The following SLC25A13 variants were observed in gnomAD, a reference collection of about 807,000 sequenced individuals.
SLC25A13 encodes solute carrier family 25 member 13.
In SLC25A13, 70 loss-of-function variants were observed where a neutral mutation model predicts 85.5. The ratio of observed to expected loss-of-function variants is 0.82; its 90% CI spans 0.68 to 1.00. The LOEUF is 1.00. Among genes scored for constraint, SLC25A13 ranks in the 50% least tolerant of loss-of-function variants. The pLI is 0.00. For missense variants in SLC25A13, 765 were observed against 819.8 expected, an observed-to-expected ratio of 0.93 and a Z score of 0.82; for synonymous variants, 259 against 288.7, an observed-to-expected ratio of 0.90 and a Z score of 1.04.
At position 96,121,944 on chromosome 7, in the gene SLC25A13, G is replaced by A. The variant is rs1364726997; in HGVS notation, c.1645C>T (p.Gln549Ter). ...GTTTGGCCAGCCCGGGCAGCCACCT[G>A]TAATCTCGTCTTGATAACATCAGCA... ...TPADVIKTRLQVAARAGQTTY... is the reference protein window; with the variant it reads ...TPADVIKTRL The change falls in exon 16 of 18, where the codon CAG becomes TAG. Residue 549 changes from glutamine (Q) to a stop codon, truncating the protein, a stop_gained. Coordinates refer to ENST00000265631, the MANE Select transcript of SLC25A13 (RefSeq NM_014251.3). LOFTEE classifies it high-confidence loss of function. 4 of 1,614,160 alleles carry A rather than the reference G, an allele frequency of 2.5e-6. No individual in the cohort carries two copies. The highest frequency in any genetic ancestry group is 4.5e-5 in the East Asian group (2 of 44,874).
At chr7:96,258,538 C>A (rs1288035497) in intron 3 of SLC25A13, among the ~76,000 whole-genome samples, 2 of 152,162 alleles carry the variant, frequency 1.3e-5, no homozygotes, top group African/African-American at 4.8e-5. Flanking sequence ...AGGAGAACTA[C>A]AAACCGCTGC....
At chr7:96,194,531 A>G (rs753898413) in intron 5 of SLC25A13, among the ~76,000 whole-genome samples, 1 of 149,178 alleles carries the variant, frequency 6.7e-6, no homozygotes, top group Non-Finnish European at 1.5e-5. Context: ...TTTTTAGACG[A>G]TATTAAGAAA....
At chr7:96,131,696 G>A (rs747495339) in intron 15 of SLC25A13, 47 bp downstream of exon 15, 3 of 1,612,262 alleles carry the variant, frequency 1.9e-6, no homozygotes, top group South Asian at 2.2e-5. Context: ...AGGGAAGGGG[G>A]GCAGCAAGGG....
At chr7:96,295,015 T>C (rs903061981) in intron 2 of SLC25A13, among the ~76,000 whole-genome samples, 2 of 152,224 alleles carry the variant, frequency 1.3e-5, no homozygotes, top group Non-Finnish European at 2.9e-5. Flanking sequence ...ACACCTTTCA[T>C]ATAAGTTACC....
At chr7:96,177,864 C>A (rs917862584) in intron 11 of SLC25A13, among the ~76,000 whole-genome samples, 17 of 152,182 alleles carry the variant, frequency 1.1e-4, no homozygotes, top group African/African-American at 3.9e-4. Context: ...CAAATCAGGG[C>A]TCTGTGCTCC....
At chr7:96,277,412 G>T in intron 2 of SLC25A13, 74 bp from the exon 3 acceptor site, 2 of 1,361,606 alleles carry the variant, frequency 1.5e-6, no homozygotes, top group Non-Finnish European at 2.0e-6. Context: ...AGTGATATGT[G>T]AAAAAGTTGA....
intron 3 of SLC25A13, among the ~76,000 whole-genome samples, chr7:96,254,033 ATGTC>A (rs764157473): frequency 1.3e-4 from 20 of 152,202 alleles, no homozygotes; most frequent in African/African-American, 3.6e-4. Context: ...GTGTGTGCGC[ATGTC>A]TGTCTGTCTG....
At position 96,122,003 on chromosome 7, in the gene SLC25A13, G is replaced by A. The variant is rs1380040472; in HGVS notation, c.1592-6C>T. The A allele has an allele frequency of 1.9e-6, 3 of 1,614,166 alleles. No individual in the cohort carries two copies. Among genetic ancestry groups the A allele is most frequent in the Non-Finnish European group, 2.5e-6 (3 of 1,180,016 alleles). On this transcript the variant is annotated splice_polypyrimidine_tract_variant and splice_region_variant and intron_variant, in intron 15 of 17. Transcript: ENST00000265631. Reference sequence around the variant, plus strand: ...TAAAGATGCTGCAGGCATACCTGCAGGAGAGACACAACACCATCTCAGTCT... The same window carrying A: ...TAAAGATGCTGCAGGCATACCTGCAAGAGAGACACAACACCATCTCAGTCT...
intron 3 of SLC25A13, among the ~76,000 whole-genome samples, chr7:96,272,611 T>G (rs1798287180): frequency 6.6e-6 from 1 of 152,188 alleles, no homozygotes; most frequent in Non-Finnish European, 1.5e-5. Context: ...AAGGAGCACC[T>G]GAAAGCTGAG....
At chr7:96,214,813 A>G (rs1403047727) in intron 4 of SLC25A13, among the ~76,000 whole-genome samples, 1 of 152,152 alleles carries the variant, frequency 6.6e-6, no homozygotes, top group African/African-American at 2.4e-5. Context: ...TAAATTTAAC[A>G]AAATAAGTGC....
At chr7:96,288,628 C>T (rs927744117) in intron 2 of SLC25A13, among the ~76,000 whole-genome samples, 7 of 152,294 alleles carry the variant, frequency 4.6e-5, no homozygotes, top group South Asian at 2.1e-4. Flanking sequence ...ATATATCCTG[C>T]GCCTCGCTCG....
chr7:96,249,193 G>A (rs1333029827), intron 3 of SLC25A13, among the ~76,000 whole-genome samples: 1 of 152,148 alleles, frequency 6.6e-6, no homozygotes, highest in Non-Finnish European at 1.5e-5. Flanking sequence ...TGCTGATTAA[G>A]TAGCATTTCT....
In SLC25A13 at chr7:96,193,111, T is replaced by C. The variant is rs982465273; in HGVS notation, c.541A>G (p.Ile181Val). ...DNARTGRVTA[I>V]DFRDIMVTIR... ...GTGACCATGATGTCTCGGAAGTCGATGGCTGTGACTCTCCCAGTCCTAGCA... is the reference window on the plus strand; with the variant it reads ...GTGACCATGATGTCTCGGAAGTCGACGGCTGTGACTCTCCCAGTCCTAGCA... Residue 181 changes from isoleucine (I) to valine (V), a missense_variant, in exon 6 of 18, where the codon ATC becomes GTC. Physicochemically the swap from Ile to Val is conservative, Grantham distance 29 (BLOSUM62 3). Coordinates refer to ENST00000265631, the MANE Select transcript of SLC25A13 (RefSeq NM_014251.3). 9.3e-6 allele frequency: 15 copies of C among 1,614,050 alleles called. No homozygotes were observed. The African/African-American group carries it at 1.9e-4, about 20-fold the overall frequency.
At chr7:96,180,835 T>C (rs1397467044) in intron 11 of SLC25A13, among the ~76,000 whole-genome samples, 3 of 152,204 alleles carry the variant, frequency 2.0e-5, no homozygotes, top group African/African-American at 4.8e-5. Flanking sequence ...GCCAGATCTA[T>C]AGCAGGCCAA....
At chr7:96,138,050 T>C (rs980934912) in intron 14 of SLC25A13, among the ~76,000 whole-genome samples, 2 of 152,234 alleles carry the variant, frequency 1.3e-5, no homozygotes, top group Non-Finnish European at 2.9e-5. Context: ...ATTTCCTTCA[T>C]TAAGGTTCTA....
Position 96,288,932 on chromosome 7 carries a change from T to G in SLC25A13, c.69+7966A>C, listed in dbSNP as rs1000093526. Among the ~76,000 whole-genome samples the G allele has an allele frequency of 2.6e-5, 4 of 152,150 alleles. No individual in the cohort carries two copies. The South Asian group carries it at 8.3e-4, about 32-fold the overall frequency. ...GAGTAGTGGTTCTCCCAGCACAGGG[T>G]TTGAGATCTGAGAACAGACAGAATG... On this transcript the variant is annotated intron_variant, in intron 2 of 17. Coordinates refer to ENST00000265631, the MANE Select transcript of SLC25A13 (RefSeq NM_014251.3).
intron 2 of SLC25A13, among the ~76,000 whole-genome samples, chr7:96,285,062 T>A (rs1418638515): frequency 2.6e-5 from 4 of 152,152 alleles, no homozygotes; most frequent in African/African-American, 9.7e-5. Flanking sequence ...ATAGCACGCA[T>A]CATCTCTTTT....
intron 5 of SLC25A13, among the ~76,000 whole-genome samples, chr7:96,199,651 A>G (rs1213499210): frequency 1.3e-5 from 2 of 152,150 alleles, no homozygotes; most frequent in East Asian, 3.9e-4. Flanking sequence ...TTTCTCTTTA[A>G]TATGTGCCAG....
chr7:96,217,370 T>G (rs1055818061), intron 4 of SLC25A13, among the ~76,000 whole-genome samples: 2 of 152,172 alleles, frequency 1.3e-5, no homozygotes, highest in South Asian at 4.1e-4. Flanking sequence ...GACTCAGCAA[T>G]TCCACTCTCA....
Sources: gnomAD v4.1 joint callset for allele counts (sites outside exome capture counted in the v4.1 genomes callset) on GRCh38, gnomAD v4.1.1 for gene constraint, MANE v1.5 for transcripts, NCBI Gene and HGNC (gene_info 2026-07-23, HGNC 2026-07-21) for gene names.